MKRN2OS: variants seen among roughly 807,000 people sequenced by gnomAD.
MKRN2OS encodes the protein MKRN2 opposite strand protein.
Under a neutral mutation model 18.2 loss-of-function variants are expected in MKRN2OS, and 17 were observed. The observed-to-expected ratio is 0.93, with a 90% confidence interval of 0.64 to 1.40. MKRN2OS has a LOEUF of 1.40. Among genes scored for constraint, MKRN2OS ranks in the 40% most tolerant of loss-of-function variants. MKRN2OS has a pLI of 0.00. For missense variants in MKRN2OS, 337 were observed against 283.0 expected (o/e 1.19, Z -1.37); for synonymous variants, 121 against 108.5 (o/e 1.12, Z -0.72).
chr3:12,540,577 AAGATGTGCACTTC>A, intron 3 of MKRN2OS, 144 bp from the exon 4 acceptor site: 1 of 968,860 alleles, frequency 1.0e-6, no homozygotes, highest in Non-Finnish European at 1.5e-6. Context: ...AAGAAGCTTC[AAGATGTGCACTTC>A]AGGCCGGGTG....
At chr3:12,554,902 C>T (rs891649114) in intron 1 of MKRN2OS, among the ~76,000 whole-genome samples, 2 of 152,150 alleles carry the variant, frequency 1.3e-5, no homozygotes, top group Non-Finnish European at 2.9e-5. Flanking sequence ...GAGGCGGGAA[C>T]TAAATTGACA....
At chr3:12,544,117 A>C (rs2057853735) in intron 1 of MKRN2OS, among the ~76,000 whole-genome samples, 1 of 152,136 alleles carries the variant, frequency 6.6e-6, no homozygotes, top group African/African-American at 2.4e-5. Context: ...TGGTTCATTT[A>C]ATCCTCATAG....
chr3:12,557,123 A>G (rs944965670), intron 1 of MKRN2OS: 7 of 1,486,598 alleles, frequency 4.7e-6, no homozygotes, highest in African/African-American at 4.4e-5. Flanking sequence ...AGGCGGCGGC[A>G]CGACGACGGT....
intron 1 of MKRN2OS, among the ~76,000 whole-genome samples, chr3:12,557,434 G>C (rs2057987185): frequency 6.6e-6 from 1 of 152,248 alleles, no homozygotes; most frequent in Non-Finnish European, 1.5e-5. Flanking sequence ...CTGTGGGCTG[G>C]GAGGAAGGAC....
At chr3:12,553,757 T>C (rs2057945531), downstream of MKRN2OS, 1 of 152,184 alleles carries the variant, frequency 6.6e-6, no homozygotes, top group Non-Finnish European at 1.5e-5. Context: ...CGTGATTGTG[T>C]ATAGAAAATC....
chr3:12,547,949 CAG>C (rs914359941), upstream of MKRN2OS, among the ~76,000 whole-genome samples: 106 of 152,060 alleles, frequency 7.0e-4, 1 homozygote, highest in African/African-American at 2.4e-3. Context: ...ACAGTGAAGG[CAG>C]AGAGGTTATA....
chr3:12,544,327 C>T lies in MKRN2OS; in HGVS notation c.218+920G>A, dbSNP rs144472854. ...TTCTATGACCCATGCTCACCTAAAG[C>T]CTGGCTTATGCTGGGCCGATCCTAA... On this transcript the variant is annotated intron_variant, in intron 1 of 3. Coordinates refer to ENST00000564146, the MANE Select transcript of MKRN2OS (RefSeq NM_001195279.2). Among the ~76,000 whole-genome samples the T allele has an allele frequency of 5.7e-3, 870 of 152,252 alleles. 3 individuals carry two copies. The highest frequency in any genetic ancestry group is 0.031 in the Middle Eastern group (9 of 294).
intron 1 of MKRN2OS, among the ~76,000 whole-genome samples, chr3:12,558,643 A>C (rs1271617717): frequency 6.6e-6 from 1 of 152,208 alleles, no homozygotes. Flanking sequence ...AAAATTTTAC[A>C]CCTTAGTAGA....
At chr3:12,544,527 T>G (rs868644113) in intron 1 of MKRN2OS, among the ~76,000 whole-genome samples, 45 of 151,798 alleles carry the variant, frequency 3.0e-4, no homozygotes, top group African/African-American at 1.0e-3. Flanking sequence ...AATACAAAAA[T>G]TAGCCGGGTG....
At chr3:12,555,183 G>T (rs1488956379) in intron 1 of MKRN2OS, among the ~76,000 whole-genome samples, 1 of 151,984 alleles carries the variant, frequency 6.6e-6, no homozygotes, top group Non-Finnish European at 1.5e-5. Context: ...GGCAGCGTGC[G>T]CCTGTATAAT....
In MKRN2OS at chr3:12,541,958, T is replaced by C; in HGVS notation, c.333A>G (p.Ile111Met). Residue 111 changes from isoleucine to methionine, a missense_variant, in exon 3 of 4, where the codon ATA becomes ATG. Coordinates refer to ENST00000564146, the MANE Select transcript of MKRN2OS (RefSeq NM_001195279.2). ...QRDGEGWEESISIPLLQPNMY... is the reference protein window; with the variant it reads ...QRDGEGWEESMSIPLLQPNMY... ...TGTTGGGCTGCAGTAATGGGATGCT[T>C]ATGCTCTCTTCCCACCCTTCTCCGT... 1 of 1,536,076 alleles carries C rather than the reference T, an allele frequency of 6.5e-7. No homozygotes were observed. Among genetic ancestry groups the C allele is most frequent in the Non-Finnish European group, 8.7e-7 (1 of 1,146,886 alleles).
At chr3:12,546,867 C>G (rs1162669760), upstream of MKRN2OS, among the ~76,000 whole-genome samples, 1 of 152,058 alleles carries the variant, frequency 6.6e-6, no homozygotes, top group Non-Finnish European at 1.5e-5. Context: ...CGTGAGCCAC[C>G]GCACCCAGCC....
intron 2 of MKRN2OS, among the ~76,000 whole-genome samples, chr3:12,542,485 A>G (rs943907849): frequency 2.6e-5 from 4 of 152,118 alleles, no homozygotes; most frequent in African/African-American, 9.7e-5. Context: ...TGATCACAGT[A>G]TCAGTTTCTC....
Position 12,545,258 on chromosome 3 carries a change from C to A in MKRN2OS, c.207G>T (p.Gly69=). The A allele has an allele frequency of 6.5e-7, 1 of 1,534,428 alleles. No individual in the cohort carries two copies. Among genetic ancestry groups the A allele is most frequent in the South Asian group, 1.2e-5 (1 of 83,824 alleles). Residue 69 remains glycine, a synonymous_variant, in exon 1 of 4, where the codon GGG becomes GGT. Coordinates refer to ENST00000564146, the MANE Select transcript of MKRN2OS (RefSeq NM_001195279.2). Reference sequence around the variant, plus strand: ...AAAAAACACTGTACCTAAGAAATGTCCCCTGAGTTGGTCTGAGGAGGAATG... The same window carrying A: ...AAAAAACACTGTACCTAAGAAATGTACCCTGAGTTGGTCTGAGGAGGAATG... ...KCSFLLRPTQ[G]TFLREYDGRS...
chr3:12,555,206 G>A (rs545883490), intron 1 of MKRN2OS, among the ~76,000 whole-genome samples: 11 of 151,800 alleles, frequency 7.2e-5, no homozygotes, highest in Non-Finnish European at 1.2e-4. Flanking sequence ...CAGCTACTCC[G>A]GAGGCTGAGA....
intron 1 of MKRN2OS, among the ~76,000 whole-genome samples, chr3:12,558,419 A>C (rs2058003182): frequency 6.6e-6 from 1 of 152,174 alleles, no homozygotes. Context: ...GTCATTGTGC[A>C]CTGTAAAGCA....
rs1306055071 is a variant in MKRN2OS, at chr3:12,540,350, A to G, written c.515T>C (p.Leu172Pro). 2 of 1,536,080 alleles carry G rather than the reference A, an allele frequency of 1.3e-6. No homozygotes were observed. Among genetic ancestry groups the G allele is most frequent in the Non-Finnish European group, 1.7e-6 (2 of 1,146,896 alleles). ...CVLMAEGRQQ[L>P]DKGEFTEKYV... ...CTTCTCCGTAAATTCACCCTTGTCC[A>G]GTTGCTGTCTACCTTCTGCCATCAG... Residue 172 changes from leucine (L) to proline (P), a missense_variant, in exon 4 of 4, where the codon CTG becomes CCG. By Grantham distance (98) the Leu-to-Pro change is moderately conservative. Coordinates refer to ENST00000564146, the MANE Select transcript of MKRN2OS (RefSeq NM_001195279.2).
chr3:12,557,574 T>C (rs1404659146), intron 1 of MKRN2OS, among the ~76,000 whole-genome samples: 8 of 152,342 alleles, frequency 5.3e-5, no homozygotes, highest in South Asian at 2.1e-4. Flanking sequence ...GGATACCACA[T>C]AGGAGTAATT....
exon 1 of MKRN2OS, chr3:12,560,763 TGA>T (rs1330287793): frequency 6.6e-6 from 1 of 152,364 alleles, no homozygotes; most frequent in Non-Finnish European, 1.5e-5. Context: ...CTACCTGCTC[TGA>T]GTCTCCAGCT....
Sources: allele counts gnomAD v4.1 joint callset (sites outside exome capture counted in the v4.1 genomes callset), GRCh38; gene constraint gnomAD v4.1.1; transcripts MANE v1.5; gene names NCBI Gene and HGNC (gene_info 2026-07-23, HGNC 2026-07-21).